TSC22D1: variants seen among roughly 807,000 people sequenced by gnomAD.
TSC22D1 encodes the protein TSC22 domain family protein 1.
Under a neutral mutation model 74.2 loss-of-function variants are expected in TSC22D1, and 9 were observed. That is an observed-to-expected ratio of 0.12 (90% CI 0.07 to 0.21). The LOEUF (loss-of-function observed/expected upper bound fraction) is 0.21. TSC22D1 is among the 10% of genes least tolerant of loss of function. TSC22D1 has a pLI of 1.00. For synonymous variants in TSC22D1, 586 were observed against 492.5 expected (o/e 1.19, Z -2.51); for missense variants, 1,427 against 1,304.7 (o/e 1.09, Z -1.44).
chr13:44,461,884 G>A (rs12146905), intron 1 of TSC22D1, among the ~76,000 whole-genome samples: 11,562 of 152,206 alleles, frequency 0.076, 563 homozygotes, highest in Non-Finnish European at 0.1. Flanking sequence ...TAGGAAATAG[G>A]AGCACCAGTG....
At chr13:44,503,771 T>C (rs1057481691) in intron 1 of TSC22D1, among the ~76,000 whole-genome samples, 10 of 152,228 alleles carry the variant, frequency 6.6e-5, no homozygotes, top group African/African-American at 2.4e-4. Flanking sequence ...TCATCATGAC[T>C]ACTTGATAGC....
chr13:44,500,990 T>A (rs1879199002), intron 1 of TSC22D1, among the ~76,000 whole-genome samples: 1 of 152,142 alleles, frequency 6.6e-6, no homozygotes, highest in Non-Finnish European at 1.5e-5. Flanking sequence ...GTGGTCCAAC[T>A]GGTATATTTA....
At chr13:44,542,893 A>C (rs1881565115) in intron 1 of TSC22D1, among the ~76,000 whole-genome samples, 1 of 152,134 alleles carries the variant, frequency 6.6e-6, no homozygotes, top group Non-Finnish European at 1.5e-5. Flanking sequence ...ACCTAATTCT[A>C]TTTTAGTGGA....
intron 1 of TSC22D1, chr13:44,539,333 AG>A (rs1225932921): frequency 3.7e-5 from 36 of 985,358 alleles, no homozygotes; most frequent in South Asian, 2.3e-4. Context: ...GAAGACCAAA[AG>A]GTTCTCACTA....
intron 1 of TSC22D1, among the ~76,000 whole-genome samples, chr13:44,493,960 G>A (rs1022723067): frequency 2.0e-5 from 3 of 152,148 alleles, no homozygotes; most frequent in Non-Finnish European, 4.4e-5. Flanking sequence ...GCCAGGTGCA[G>A]TGGCTCATGC....
chr13:44,577,171 G>A (rs1221130687), upstream of TSC22D1: 1 of 152,082 alleles, frequency 6.6e-6, no homozygotes, highest in East Asian at 1.9e-4. Flanking sequence ...CCGTTCAAAG[G>A]AACGAGGTGG....
intron 1 of TSC22D1, among the ~76,000 whole-genome samples, chr13:44,489,206 CA>C (rs34867283): frequency 0.39 from 53,031 of 134,518 alleles, 10,211 homozygotes; most frequent in Middle Eastern, 0.54. Flanking sequence ...TCATTTCATG[CA>C]AAAAAAAAAA....
At position 44,575,802 on chromosome 13, in the gene TSC22D1, A is replaced by C; in HGVS notation, c.273T>G (p.Ala91=). 1 of 1,612,878 alleles carries C rather than the reference A, an allele frequency of 6.2e-7. No homozygotes were observed. The highest frequency in any genetic ancestry group is 8.5e-7 in the Non-Finnish European group (1 of 1,179,734). Residue 91 remains alanine (A), a synonymous_variant, in exon 1 of 3, where the codon GCT becomes GCG. Transcript: ENST00000458659. ...PPQSLNLLSQ[A]QLQAQPLAPG... ...GCGCAAGAGGCTGTGCCTGCAGCTGAGCCTGCGAAAGGAGGTTCAGGCTTT... is the reference window on the plus strand; with the variant it reads ...GCGCAAGAGGCTGTGCCTGCAGCTGCGCCTGCGAAAGGAGGTTCAGGCTTT...
chr13:44,452,947 C>CTTGTTTTCAAAATGCTAACAGGTTGGTT (rs1876267932), intron 1 of TSC22D1: 2 of 152,258 alleles, frequency 1.3e-5, no homozygotes, highest in Non-Finnish European at 2.9e-5. Context: ...CGATGAAACT[C>CTTGTTTTCAAAATGCTAACAGGTTGGTT]TTGTTTTCAA....
chr13:44,479,360 A>T (rs1229230899), intron 1 of TSC22D1, among the ~76,000 whole-genome samples: 7 of 141,290 alleles, frequency 5.0e-5, no homozygotes, highest in African/African-American at 1.9e-4. Flanking sequence ...AGCTATCATT[A>T]GTGTTAGTGT....
In TSC22D1 at chr13:44,575,695, G is replaced by C. The variant is rs774319567; in HGVS notation, c.380C>G (p.Ser127Cys). 4.3e-6 allele frequency: 7 copies of C among 1,614,212 alleles called. No individual in the cohort carries two copies. In the South Asian group the frequency reaches 4.4e-5, roughly 10 times the overall value. Residue 127 changes from serine to cysteine, a missense_variant, in exon 1 of 3, where the codon TCT (serine) becomes TGT (cysteine). Physicochemically the swap from Ser to Cys is moderately radical, Grantham distance 112. Around this residue, in one of 3 missense-constraint regions of TSC22D1, gnomAD observed 1,343 missense variants for 1,191.5 expected, o/e 1.13. Transcript: ENST00000458659. Reference sequence around the variant, plus strand: ...AGTGTCCTCTGCTATACTGTTGTTAGAGCTGATACTAGCGGAGATCTGAGC... The same window carrying C: ...AGTGTCCTCTGCTATACTGTTGTTACAGCTGATACTAGCGGAGATCTGAGC... ...TPAQISASIS[S>C]NNSIAEDTES...
intron 1 of TSC22D1, among the ~76,000 whole-genome samples, chr13:44,497,065 C>T (rs983675634): frequency 6.6e-6 from 1 of 151,994 alleles, no homozygotes; most frequent in Non-Finnish European, 1.5e-5. Context: ...TTAGATATTA[C>T]CAAAATAATT....
intron 1 of TSC22D1, among the ~76,000 whole-genome samples, chr13:44,456,436 T>C (rs1038002381): frequency 1.3e-5 from 2 of 152,316 alleles, no homozygotes; most frequent in East Asian, 1.9e-4. Context: ...AGAGCGCTGA[T>C]TGGTCCATTT....
At chr13:44,526,927 T>C (rs1210499622) in intron 1 of TSC22D1, among the ~76,000 whole-genome samples, 1 of 152,078 alleles carries the variant, frequency 6.6e-6, no homozygotes, top group Non-Finnish European at 1.5e-5. Flanking sequence ...AACAAAAAGA[T>C]ACTTAAAGAA....
At chr13:44,514,444 A>G (rs1434553356) in intron 1 of TSC22D1, among the ~76,000 whole-genome samples, 2 of 152,096 alleles carry the variant, frequency 1.3e-5, no homozygotes, top group African/African-American at 4.8e-5. Flanking sequence ...TCAAAAGATA[A>G]ATATCAAACT....
chr13:44,539,548 T>C, intron 1 of TSC22D1: 4 of 985,346 alleles, frequency 4.1e-6, no homozygotes, highest in Non-Finnish European at 4.8e-6. Flanking sequence ...TCAAATCATG[T>C]GCCCCAAATC....
chr13:44,434,365 A>AT lies in TSC22D1; in HGVS notation c.*260dup, dbSNP rs1277087124. ...GAGCATGAATTAAACCATTTCTCAG[A>AT]TATCTGCCAAGCTGCATGAGGTCCC... On this transcript the variant is annotated 3_prime_UTR_variant, in exon 3 of 3. Coordinates refer to ENST00000458659, the MANE Select transcript of TSC22D1 (RefSeq NM_183422.4). 2.9e-6 allele frequency: 4 copies of AT among 1,372,880 alleles called. No individual in the cohort carries two copies. The highest frequency in any genetic ancestry group is 3.7e-6 in the Non-Finnish European group (4 of 1,072,172). The allele number at this position is 1,372,880 out of a possible 1,614,324, so 85.0% of individuals were successfully genotyped here.
intron 1 of TSC22D1, among the ~76,000 whole-genome samples, chr13:44,447,582 TAA>T (rs1243669197): frequency 1.3e-5 from 2 of 152,130 alleles, no homozygotes; most frequent in African/African-American, 2.4e-5. Flanking sequence ...GTGAGAATTT[TAA>T]AAGTCTTAAA....
At chr13:44,517,405 T>TA (rs1025081897) in intron 1 of TSC22D1, among the ~76,000 whole-genome samples, 2 of 149,412 alleles carry the variant, frequency 1.3e-5, no homozygotes, top group Admixed American at 1.3e-4. Context: ...TTAGAAAAAA[T>TA]AAACAGTAAG....
Sources: gnomAD v4.1 joint callset for allele counts (sites outside exome capture counted in the v4.1 genomes callset) on GRCh38, gnomAD v4.1.1 for gene constraint, gnomAD v4.1.1 regional missense constraint, MANE v1.5 for transcripts, NCBI Gene and HGNC (gene_info 2026-07-23, HGNC 2026-07-21) for gene names.